Variants in TANC2 observed in about 807,000 individuals in gnomAD.
TANC2 encodes tetratricopeptide repeat, ankyrin repeat and coiled-coil containing 2, also known as protein TANC2.
Under a neutral mutation model 210.5 loss-of-function variants are expected in TANC2, and 26 were observed. The observed-to-expected ratio is 0.12, with a 90% confidence interval of 0.09 to 0.17. TANC2 has a LOEUF of 0.17. Among genes scored for constraint, TANC2 ranks in the 10% least tolerant of loss-of-function variants. The pLI is 1.00. For missense variants in TANC2, 2,129 were observed against 2,608.9 expected (o/e 0.82, Z 4.01); for synonymous variants, 931 against 967.1 (o/e 0.96, Z 0.69).
intron 19 of TANC2, 97 bp downstream of exon 19, chr17:63,399,011 C>T: frequency 1.2e-6 from 1 of 865,756 alleles, no homozygotes; most frequent in South Asian, 1.8e-5. Context: ...ATTTGGCAGT[C>T]TTCTGTCTCA....
chr17:63,176,811 A>T, intron 5 of TANC2, among the ~76,000 whole-genome samples: 2 of 151,448 alleles, frequency 1.3e-5, no homozygotes, highest in Non-Finnish European at 1.5e-5. Flanking sequence ...ATCTCAAAAA[A>T]AAAAAAAAAA....
chr17:63,420,626 T>C lies in TANC2; in HGVS notation c.4896T>C (p.Ala1632=), dbSNP rs759077517. The change falls in exon 28 of 28, where the codon GCT becomes GCC. Residue 1632 remains alanine, a synonymous_variant. Transcript: ENST00000689528. The surrounding 1 kb of genome is among the most constrained non-coding windows in gnomAD (Gnocchi z 4.2). ...CTCAGTATCGGGCCAGCCCTCCAGC[T>C]GAAAGTATGAGTGTCTATAGATCCC... 6.2e-7 allele frequency: 1 copy of C among 1,613,816 alleles called. No individual in the cohort carries two copies. The highest frequency in any genetic ancestry group is 1.1e-5 in the South Asian group (1 of 91,056).
At chr17:63,205,344 CAAAAAAAAA>C (rs1158768609) in intron 7 of TANC2, among the ~76,000 whole-genome samples, 8 of 8,070 alleles carry the variant, frequency 9.9e-4, no homozygotes, top group African/African-American at 1.6e-3. Flanking sequence ...ACCAAGGAGG[CAAAAAAAAA>C]AAAAAAAAAA....
intron 17 of TANC2, among the ~76,000 whole-genome samples, chr17:63,392,859 T>C (rs1181547906): frequency 1.1e-4 from 16 of 151,960 alleles, no homozygotes; most frequent in Non-Finnish European, 2.9e-5. Context: ...AATTCTCTTG[T>C]AGGCAAAAAA....
At chr17:63,336,572 T>C (rs563091282) in intron 11 of TANC2, among the ~76,000 whole-genome samples, 38 of 152,228 alleles carry the variant, frequency 2.5e-4, no homozygotes, top group Non-Finnish European at 4.7e-4. Flanking sequence ...GTCTTTTCTT[T>C]CTGTATATAG....
At chr17:63,217,019 T>C (rs1165169308) in intron 7 of TANC2, among the ~76,000 whole-genome samples, 1 of 152,190 alleles carries the variant, frequency 6.6e-6, no homozygotes, top group Non-Finnish European at 1.5e-5. Context: ...ATATTTTAAA[T>C]TAAATATCAG....
chr17:62,997,425 C>G (rs1046802833), intron 1 of TANC2, among the ~76,000 whole-genome samples: 17 of 152,076 alleles, frequency 1.1e-4, no homozygotes, highest in Non-Finnish European at 1.6e-4. Context: ...AGGAGAAGCT[C>G]TATGTTGACA....
intron 5 of TANC2, among the ~76,000 whole-genome samples, chr17:63,175,131 A>G (rs1347236650): frequency 6.6e-6 from 1 of 152,220 alleles, no homozygotes; most frequent in Admixed American, 6.5e-5. Context: ...GACCTAGAAT[A>G]CCCAAAGCAA....
At chr17:62,969,370 C>T (rs1053410028) in intron 1 of TANC2, among the ~76,000 whole-genome samples, 1 of 152,200 alleles carries the variant, frequency 6.6e-6, no homozygotes, top group Non-Finnish European at 1.5e-5. Context: ...ACCTGTGCTC[C>T]TCATCAATAT....
chr17:63,328,065 A>G (rs2045708021), intron 11 of TANC2, among the ~76,000 whole-genome samples: 1 of 152,216 alleles, frequency 6.6e-6, no homozygotes, highest in Admixed American at 6.5e-5. Context: ...GGAGGCCATC[A>G]TGCTTAGCAA....
chr17:63,081,992 C>T (rs1021977560), intron 3 of TANC2, among the ~76,000 whole-genome samples: 23 of 151,702 alleles, frequency 1.5e-4, no homozygotes, highest in Non-Finnish European at 2.6e-4. Context: ...TGTGAAACCC[C>T]GTCTCTACTA....
rs541338907 is a variant in TANC2 at position 63,292,475 on chromosome 17, G to T, written c.1160-21913G>T. ...TTTGATTTAACAGAAAGTCTTTAGT[G>T]ACTTTAACTAAAACAATTAGAGCAG... On this transcript the variant is annotated intron_variant, in intron 9 of 27. Transcript: ENST00000689528. Among the ~76,000 whole-genome samples, 16 of 152,294 alleles carry T rather than the reference G, an allele frequency of 1.1e-4. No individual in the cohort carries two copies. In the South Asian group the frequency reaches 3.1e-3, roughly 30 times the overall value.
In TANC2 at chr17:63,358,976, TTG is replaced by T. The variant is rs34338483; in HGVS notation, c.2582+3616_2582+3617del. Among the ~76,000 whole-genome samples the T allele has an allele frequency of 8.3e-3, 1,231 of 147,834 alleles. 6 individuals are homozygous for T. Among genetic ancestry groups the T allele is most frequent in the Middle Eastern group, 0.014 (4 of 290 alleles). ...ATAGGAACGGCTCTCAGATTAATAT[TTG>T]TGTGTGTGTGTGTGTGTGTGTGTGT... On this transcript the variant is annotated intron_variant, in intron 14 of 27. Transcript: ENST00000689528.
chr17:63,341,502 A>G (rs1270540894), intron 12 of TANC2, among the ~76,000 whole-genome samples: 1 of 152,254 alleles, frequency 6.6e-6, no homozygotes, highest in African/African-American at 2.4e-5. Context: ...CTGGTTCTCG[A>G]GTTTAGTGCT....
chr17:63,152,931 T>TAAAAAAA (rs2039705049), intron 5 of TANC2: 1 of 152,186 alleles, frequency 6.6e-6, no homozygotes, highest in Admixed American at 6.5e-5. Context: ...AGAATTAAAC[T>TAAAAAAA]AAAGCTCGGT....
At chr17:63,014,080 T>A (rs373686785) in intron 2 of TANC2, among the ~76,000 whole-genome samples, 2 of 152,182 alleles carry the variant, frequency 1.3e-5, no homozygotes, top group Non-Finnish European at 2.9e-5. Context: ...TCAGATTGTG[T>A]AATCTCAATT....
intron 7 of TANC2, among the ~76,000 whole-genome samples, chr17:63,208,685 G>GT (rs2041795736): frequency 6.6e-6 from 1 of 151,946 alleles, no homozygotes; most frequent in South Asian, 2.1e-4. Flanking sequence ...AGCTTCTTTA[G>GT]TATCTTTCAA....
At chr17:63,035,987 T>C (rs537122800) in intron 2 of TANC2, among the ~76,000 whole-genome samples, 1 of 152,302 alleles carries the variant, frequency 6.6e-6, no homozygotes. Flanking sequence ...CTTCCGTGTA[T>C]CCTGTGTGGT....
intron 4 of TANC2, among the ~76,000 whole-genome samples, chr17:63,143,815 T>G (rs1345331623): frequency 6.6e-6 from 1 of 152,120 alleles, no homozygotes; most frequent in African/African-American, 2.4e-5. Context: ...TAGGAGTTAG[T>G]ATAAAAGTCT....
Sources: gnomAD v4.1 joint callset for allele counts (sites outside exome capture counted in the v4.1 genomes callset) on GRCh38, gnomAD v4.1.1 for gene constraint, Gnocchi (gnomAD v3.1) non-coding constraint, MANE v1.5 for transcripts, NCBI Gene and HGNC (gene_info 2026-07-23, HGNC 2026-07-21) for gene names.